PTGS1: variants seen among roughly 807,000 people sequenced by gnomAD.
PTGS1 encodes prostaglandin G/H synthase 1.
Under a neutral mutation model 63.0 loss-of-function variants are expected in PTGS1, and 40 were observed. That is an observed-to-expected ratio of 0.63 (90% CI 0.49 to 0.83). The LOEUF is 0.83. PTGS1 is among the 40% of genes least tolerant of loss of function. The pLI, the probability that PTGS1 is intolerant of heterozygous loss-of-function variation, is 0.00. For synonymous variants in PTGS1, 298 were observed against 301.9 expected, an observed-to-expected ratio of 0.99 and a Z score of 0.13; for missense variants, 709 against 786.5, an observed-to-expected ratio of 0.90 and a Z score of 1.18.
chr9:122,376,677 G>A (rs1837187311), intron 2 of PTGS1, among the ~76,000 whole-genome samples: 1 of 152,198 alleles, frequency 6.6e-6, no homozygotes, highest in Non-Finnish European at 1.5e-5. Flanking sequence ...AAGTATGTTT[G>A]CAGAAAGGAG....
At chr9:122,382,164 C>T (rs1039526377) in intron 7 of PTGS1, among the ~76,000 whole-genome samples, 19 of 152,128 alleles carry the variant, frequency 1.2e-4, no homozygotes, top group Admixed American at 7.2e-4. Context: ...TAAATCAGAA[C>T]GGTCCAACAG....
intron 2 of PTGS1, among the ~76,000 whole-genome samples, chr9:122,374,090 G>A (rs907529305): frequency 2.0e-5 from 3 of 152,118 alleles, no homozygotes; most frequent in Admixed American, 6.5e-5. Flanking sequence ...GAAAGGTCCT[G>A]GAACCAGGCA....
intron 8 of PTGS1, 21 bp downstream of exon 8, chr9:122,383,776 C>T (rs577145816): frequency 6.3e-7 from 1 of 1,598,126 alleles, no homozygotes; most frequent in Non-Finnish European, 8.5e-7. Context: ...CAGACCTGCC[C>T]TGCCCTGGAA....
intron 3 of PTGS1, 80 bp downstream of exon 3, chr9:122,378,095 C>T (rs1032750522): frequency 1.5e-6 from 2 of 1,296,180 alleles, no homozygotes; most frequent in East Asian, 2.3e-5. Flanking sequence ...ACCCTAACTT[C>T]CTACCCTCCT....
At position 122,378,903 on chromosome 9, in the gene PTGS1, C is replaced by T; in HGVS notation, c.481C>T (p.Pro161Ser). Residue 161 changes from proline (P) to serine (S), a missense_variant, in exon 5 of 11, where the codon CCC becomes TCC. Pro to Ser is a moderately conservative substitution (Grantham distance 74). Transcript: ENST00000362012. ...CTCTGTGCCTAAAGATTGCCCCACACCCATGGGAACCAAAGGTAAAATGGG... is the reference window on the plus strand; with the variant it reads ...CTCTGTGCCTAAAGATTGCCCCACATCCATGGGAACCAAAGGTAAAATGGG... ...LPSVPKDCPT[P>S]MGTKGKKQLP... 8 of 1,614,196 alleles carry T rather than the reference C, an allele frequency of 5.0e-6. No individual in the cohort carries two copies. Among genetic ancestry groups the T allele is most frequent in the Non-Finnish European group, 5.9e-6 (7 of 1,180,028 alleles).
Position 122,378,773 on chromosome 9 carries a change from A to G in PTGS1, c.353-2A>G. 2 of 1,614,192 alleles carry G rather than the reference A, an allele frequency of 1.2e-6. No homozygotes were observed. The highest frequency in any genetic ancestry group is 1.7e-6 in the Non-Finnish European group (2 of 1,180,010). On this transcript the variant is annotated splice_acceptor_variant, in intron 4 of 10. Coordinates refer to ENST00000362012, the MANE Select transcript of PTGS1 (RefSeq NM_000962.4). LOFTEE classifies it high-confidence loss of function. ...TGTCACCGTTATTTTTGCTCTCTGC[A>G]GTGCGCTCCAACCTTATCCCCAGTC...
At chr9:122,379,688 G>A (rs1000802371) in intron 5 of PTGS1, among the ~76,000 whole-genome samples, 1 of 152,232 alleles carries the variant, frequency 6.6e-6, no homozygotes, top group African/African-American at 2.4e-5. Flanking sequence ...CAGGATAGCT[G>A]AGTCTTGCCA....
intron 10 of PTGS1, 84 bp downstream of exon 10, chr9:122,390,429 A>C: frequency 1.4e-6 from 2 of 1,457,802 alleles, no homozygotes; most frequent in East Asian, 4.8e-5. Flanking sequence ...ATAGAACGGG[A>C]CAATACATGC....
intron 3 of PTGS1, 77 bp from the exon 4 acceptor site, chr9:122,378,356 A>G (rs1227124869): frequency 5.0e-6 from 8 of 1,593,984 alleles, no homozygotes; most frequent in African/African-American, 1.3e-5. Context: ...CCTTGTCCTC[A>G]GTGCCCCATC....
chr9:122,375,702 G>T (rs1315692277), intron 2 of PTGS1, among the ~76,000 whole-genome samples: 6 of 152,182 alleles, frequency 3.9e-5, no homozygotes, highest in African/African-American at 1.4e-4. Context: ...ACTTCTTGGG[G>T]AGGCAAGGCG....
rs777134473 is a variant in PTGS1 at position 122,381,693 on chromosome 9, T to A, written c.708T>A (p.Asn236Lys). The A allele has an allele frequency of 1.2e-6, 2 of 1,614,164 alleles. No homozygotes were observed. Among genetic ancestry groups the A allele is most frequent in the Middle Eastern group, 1.6e-4 (1 of 6,062 alleles). The change falls in exon 7 of 11, where the codon AAT becomes AAA. Residue 236 changes from asparagine (N) to lysine (K), a missense_variant. Physicochemically the swap from Asn to Lys is moderately conservative, Grantham distance 94. Coordinates refer to ENST00000362012, the MANE Select transcript of PTGS1 (RefSeq NM_000962.4). ...ACCTCGGCCACATTTATGGAGACAA[T>A]CTGGAGCGTCAGTATCAACTGCGGC... Reference protein sequence around the residue: ...GVDLGHIYGDNLERQYQLRLF... With the variant: ...GVDLGHIYGDKLERQYQLRLF...
At chr9:122,373,815 TG>T (rs1361593564) in intron 2 of PTGS1, among the ~76,000 whole-genome samples, 1 of 151,342 alleles carries the variant, frequency 6.6e-6, no homozygotes, top group Non-Finnish European at 1.5e-5. Flanking sequence ...TGCTTAGGTG[TG>T]GGGACTGGGG....
intron 2 of PTGS1, among the ~76,000 whole-genome samples, chr9:122,374,881 C>T (rs989608531): frequency 3.5e-4 from 53 of 152,272 alleles, no homozygotes; most frequent in African/African-American, 9.6e-4. Context: ...GTCTTGGCTC[C>T]GCAACTTCAA....
Position 122,381,404 on chromosome 9 carries a change from C to A in PTGS1, c.530C>A (p.Ala177Asp). The A allele has an allele frequency of 6.2e-7, 1 of 1,614,102 alleles. No individual in the cohort carries two copies. The change falls in exon 6 of 11, where the codon GCC becomes GAC. Residue 177 changes from alanine (A) to aspartate (D), a missense_variant. Coordinates refer to ENST00000362012, the MANE Select transcript of PTGS1 (RefSeq NM_000962.4). ...CAGTTGCCAGATGCCCAGCTCCTGG[C>A]CCGCCGCTTCCTGCTCAGGAGGAAG... ...KKQLPDAQLL[A>D]RRFLLRRKFI...
intron 4 of PTGS1, 97 bp from the exon 5 acceptor site, chr9:122,378,678 T>C: frequency 1.2e-6 from 2 of 1,601,940 alleles, no homozygotes; most frequent in Non-Finnish European, 1.7e-6. Context: ...GAGTCTATGA[T>C]GCCTGATAAA....
At chr9:122,390,435 C>A in intron 10 of PTGS1, 90 bp downstream of exon 10, 1 of 1,416,612 alleles carries the variant, frequency 7.1e-7, no homozygotes, top group Non-Finnish European at 9.6e-7. Flanking sequence ...CGGGACAATA[C>A]ATGCGGCAAT....
At position 122,394,932 on chromosome 9, in the gene PTGS1, C is replaced by T. The variant is rs1275754788; in HGVS notation, c.*2388C>T. ...GTTGCTTGTAATCAAGCCTTTATGG[C>T]TGCTGGGCTGAGTGACACAAGCACT... On this transcript the variant is annotated 3_prime_UTR_variant, in exon 11 of 11. Transcript: ENST00000362012. 2 of 152,214 alleles carry T rather than the reference C, an allele frequency of 1.3e-5. No individual in the cohort carries two copies. Among genetic ancestry groups the T allele is most frequent in the African/African-American group, 4.8e-5 (2 of 41,446 alleles). The allele number at this position is 152,214 out of a possible 1,614,324, so 9.4% of individuals were successfully genotyped here. A position where few individuals can be genotyped will look rare whatever the true frequency, so the allele number is the denominator to read the frequency against.
chr9:122,390,711 C>T (rs1179050279), intron 10 of PTGS1, among the ~76,000 whole-genome samples: 1 of 152,064 alleles, frequency 6.6e-6, no homozygotes, highest in East Asian at 1.9e-4. Context: ...TCCTGGCTAA[C>T]ACGATGAAAC....
chr9:122,379,436 A>C (rs535164669), intron 5 of PTGS1, among the ~76,000 whole-genome samples: 4 of 152,190 alleles, frequency 2.6e-5, no homozygotes, highest in African/African-American at 7.2e-5. Flanking sequence ...TATTCATTTC[A>C]GACCCATCAG....
Sources: gnomAD v4.1 joint callset for allele counts (sites outside exome capture counted in the v4.1 genomes callset) on GRCh38, gnomAD v4.1.1 for gene constraint, MANE v1.5 for transcripts, NCBI Gene and HGNC (gene_info 2026-07-23, HGNC 2026-07-21) for gene names.